WWOX: variants seen among roughly 807,000 people sequenced by gnomAD.
WWOX encodes WW domain containing oxidoreductase.
WWOX carries 69 observed loss-of-function variants against 46.2 expected under a neutral mutation model. The ratio of observed to expected loss-of-function variants is 1.49; its 90% CI spans 1.23 to 1.82. WWOX has a LOEUF of 1.82. Among genes scored for constraint, WWOX ranks in the 40% most tolerant of loss-of-function variants. The probability of loss-of-function intolerance (pLI) is 0.00; values close to 1 mark genes in which losing one functional copy is unlikely to be tolerated. For synonymous variants in WWOX, 359 were observed against 202.6 expected (o/e 1.77, Z -6.56); for missense variants, 919 against 542.6 (o/e 1.69, Z -6.89).
intron 8 of WWOX, among the ~76,000 whole-genome samples, chr16:78,613,505 A>T (rs2045948549): frequency 1.3e-5 from 2 of 152,116 alleles, no homozygotes; most frequent in Admixed American, 1.3e-4. Flanking sequence ...CTTACAAGGG[A>T]CATTTATGCT....
chr16:79,064,500 C>T (rs565027678), intron 8 of WWOX, among the ~76,000 whole-genome samples: 3 of 152,262 alleles, frequency 2.0e-5, no homozygotes, highest in African/African-American at 4.8e-5. Flanking sequence ...GGATTTGAGG[C>T]GTGTCTAGGA....
chr16:78,469,387 C>T (rs1475982556), intron 8 of WWOX, among the ~76,000 whole-genome samples: 1 of 152,036 alleles, frequency 6.6e-6, no homozygotes, highest in African/African-American at 2.4e-5. Context: ...AAATACATCT[C>T]TTCACAGGAG....
At chr16:78,728,977 T>A (rs757463457) in intron 8 of WWOX, among the ~76,000 whole-genome samples, 1 of 152,104 alleles carries the variant, frequency 6.6e-6, no homozygotes, top group Non-Finnish European at 1.5e-5. Context: ...GTGAGAAACG[T>A]TGGCTTTAGT....
At chr16:78,511,518 A>T (rs2085360218) in intron 8 of WWOX, among the ~76,000 whole-genome samples, 1 of 152,196 alleles carries the variant, frequency 6.6e-6, no homozygotes, top group Admixed American at 6.5e-5. Context: ...GTTGCCTAAG[A>T]AATGCCCAGG....
intron 8 of WWOX, among the ~76,000 whole-genome samples, chr16:79,014,286 T>A (rs915842452): frequency 6.6e-6 from 1 of 152,256 alleles, no homozygotes; most frequent in Admixed American, 6.5e-5. Flanking sequence ...GCCCACCCGG[T>A]GATTTATACC....
chr16:78,375,434 C>T (rs930860222), intron 5 of WWOX, among the ~76,000 whole-genome samples: 1 of 152,212 alleles, frequency 6.6e-6, no homozygotes, highest in African/African-American at 2.4e-5. Flanking sequence ...GTATGTTAAA[C>T]AGTCAATCAT....
chr16:79,140,432 C>G (rs1877917094), intron 8 of WWOX, among the ~76,000 whole-genome samples: 1 of 152,188 alleles, frequency 6.6e-6, no homozygotes, highest in South Asian at 2.1e-4. Flanking sequence ...GAGTTTTTAG[C>G]TGCTTTCTCT....
intron 6 of WWOX, among the ~76,000 whole-genome samples, chr16:78,415,157 G>T (rs181828906): frequency 6.6e-6 from 1 of 150,820 alleles, no homozygotes; most frequent in African/African-American, 2.4e-5. Flanking sequence ...TTACTCATGA[G>T]TTTTCACGGA....
chr16:78,846,360 C>G (rs561049155), intron 8 of WWOX, among the ~76,000 whole-genome samples: 2 of 152,238 alleles, frequency 1.3e-5, no homozygotes, highest in East Asian at 1.9e-4. Flanking sequence ...TCTTTTACAA[C>G]CAGATACCAC....
intron 8 of WWOX, among the ~76,000 whole-genome samples, chr16:78,968,170 G>T (rs111854456): frequency 6.7e-6 from 1 of 148,956 alleles, no homozygotes; most frequent in Non-Finnish European, 1.5e-5. Flanking sequence ...GGCACAGCGC[G>T]TGGTCTGCGT....
intron 8 of WWOX, among the ~76,000 whole-genome samples, chr16:78,876,907 G>T (rs1240501550): frequency 2.0e-5 from 3 of 152,126 alleles, no homozygotes; most frequent in Non-Finnish European, 4.4e-5. Context: ...ATTCCTACAG[G>T]AAATCTTGTA....
At chr16:78,676,297 C>T (rs949188753) in intron 8 of WWOX, among the ~76,000 whole-genome samples, 1 of 151,958 alleles carries the variant, frequency 6.6e-6, no homozygotes, top group Non-Finnish European at 1.5e-5. Context: ...TCTAAAGAAG[C>T]GAGGGTCTCA....
chr16:78,530,544 A>G (rs8051498), intron 8 of WWOX, among the ~76,000 whole-genome samples: 36,092 of 152,054 alleles, frequency 0.24, 5,034 homozygotes, highest in African/African-American at 0.39. Flanking sequence ...CTTTTCTTCA[A>G]TGTGCCAGCG....
intron 8 of WWOX, among the ~76,000 whole-genome samples, chr16:79,095,491 C>T (rs562425417): frequency 6.6e-6 from 1 of 152,234 alleles, no homozygotes; most frequent in African/African-American, 2.4e-5. Context: ...CTGGTTTCTG[C>T]CCTGGTCCAT....
intron 8 of WWOX, among the ~76,000 whole-genome samples, chr16:78,948,414 C>T (rs145293540): frequency 1.3e-5 from 2 of 152,156 alleles, no homozygotes; most frequent in African/African-American, 4.8e-5. Flanking sequence ...TTCTGGGTGG[C>T]TAGACTGAAA....
intron 5 of WWOX, among the ~76,000 whole-genome samples, chr16:78,314,055 A>G (rs1390865555): frequency 6.6e-6 from 1 of 152,148 alleles, no homozygotes; most frequent in Non-Finnish European, 1.5e-5. Flanking sequence ...GGAGCTGGGC[A>G]TCTGTCTCCT....
intron 5 of WWOX, among the ~76,000 whole-genome samples, chr16:78,243,881 T>C (rs2037735889): frequency 6.6e-6 from 1 of 152,252 alleles, no homozygotes; most frequent in Non-Finnish European, 1.5e-5. Context: ...GTGTACTCAA[T>C]GCTCAGTTTC....
intron 8 of WWOX, among the ~76,000 whole-genome samples, chr16:79,116,283 T>A (rs991821251): frequency 2.0e-5 from 3 of 152,194 alleles, no homozygotes; most frequent in Non-Finnish European, 4.4e-5. Flanking sequence ...GATTGACTCT[T>A]CCTTTTACAA....
chr16:78,213,690 G>C (rs946759207), intron 5 of WWOX, among the ~76,000 whole-genome samples: 23 of 152,094 alleles, frequency 1.5e-4, no homozygotes, highest in Non-Finnish European at 2.8e-4. Context: ...TTGGGGACCA[G>C]AGACAGAAAT....
Sources: gnomAD v4.1 joint callset for allele counts (sites outside exome capture counted in the v4.1 genomes callset) on GRCh38, gnomAD v4.1.1 for gene constraint, MANE v1.5 for transcripts, NCBI Gene and HGNC (gene_info 2026-07-23, HGNC 2026-07-21) for gene names.